Variants in SLIT3 observed in about 807,000 individuals in gnomAD.
SLIT3 encodes the protein slit guidance ligand 3.
Under a neutral mutation model 184.0 loss-of-function variants are expected in SLIT3, and 68 were observed. The ratio of observed to expected loss-of-function variants is 0.37; its 90% CI spans 0.30 to 0.45. The LOEUF (loss-of-function observed/expected upper bound fraction) is 0.45, where lower values mean the gene tolerates loss of function less well. Among genes scored for constraint, SLIT3 ranks in the 20% least tolerant of loss-of-function variants. The pLI is 1.00. For missense variants in SLIT3, 1,707 were observed against 2,026.0 expected (o/e 0.84, Z 3.02); for synonymous variants, 831 against 828.6 (o/e 1.00, Z -0.05).
chr5:168,723,027 G>T (rs1762993052), intron 21 of SLIT3, 23 bp from the exon 22 acceptor site: 1 of 1,597,570 alleles, frequency 6.3e-7, no homozygotes, highest in Non-Finnish European at 8.6e-7. Context: ...AAACAGAGGG[G>T]TCATGCTTTT....
chr5:168,862,516 A>C (rs1759147610), intron 5 of SLIT3, among the ~76,000 whole-genome samples: 2 of 152,222 alleles, frequency 1.3e-5, no homozygotes, highest in South Asian at 4.1e-4. Flanking sequence ...AATTACAGTT[A>C]ATTGAAGTGT....
At chr5:168,802,146 G>GAAA (rs57706263) in intron 9 of SLIT3, among the ~76,000 whole-genome samples, 1 of 109,754 alleles carries the variant, frequency 9.1e-6, no homozygotes. Context: ...TTCTCAATAA[G>GAAA]AAAAAAAAAA....
At chr5:169,113,643 C>T (rs1252894542) in intron 4 of SLIT3, among the ~76,000 whole-genome samples, 3 of 149,548 alleles carry the variant, frequency 2.0e-5, no homozygotes, top group Non-Finnish European at 4.4e-5. Context: ...ATCATCATGC[C>T]TTTTTTTTCT....
intron 5 of SLIT3, 163 bp from the exon 6 acceptor site, chr5:168,844,818 T>A (rs1181301900): frequency 1.6e-6 from 1 of 609,888 alleles, no homozygotes; most frequent in African/African-American, 1.9e-5. Context: ...GCTCCGTCTC[T>A]CCTCTCTGAC....
At chr5:169,029,239 C>T (rs1756939089) in intron 4 of SLIT3, among the ~76,000 whole-genome samples, 1 of 152,220 alleles carries the variant, frequency 6.6e-6, no homozygotes, top group African/African-American at 2.4e-5. Flanking sequence ...TGAGTGATTG[C>T]ACCACTTTCT....
intron 4 of SLIT3, among the ~76,000 whole-genome samples, chr5:169,032,165 G>A (rs891961): frequency 8.5e-5 from 13 of 152,118 alleles, no homozygotes; most frequent in African/African-American, 2.7e-4. Context: ...AGTGAAAGTC[G>A]ACTGTAAATG....
chr5:169,113,974 C>A (rs1433166296), intron 4 of SLIT3, among the ~76,000 whole-genome samples: 1 of 152,144 alleles, frequency 6.6e-6, no homozygotes, highest in African/African-American at 2.4e-5. Context: ...TTTTTAATAA[C>A]TGAATCAATC....
At chr5:169,244,967 G>T (rs1038477395) in intron 2 of SLIT3, among the ~76,000 whole-genome samples, 191 bp from the exon 3 acceptor site, 5 of 152,148 alleles carry the variant, frequency 3.3e-5, no homozygotes, top group African/African-American at 1.2e-4. Flanking sequence ...GGGTTTTGCC[G>T]CCTGCACACT....
intron 4 of SLIT3, among the ~76,000 whole-genome samples, chr5:169,149,930 G>C (rs111558300): frequency 1.8e-4 from 27 of 152,260 alleles, no homozygotes; most frequent in African/African-American, 6.5e-4. Context: ...CTATCACTGC[G>C]TATCTCCTTT....
chr5:169,069,261 T>C (rs946850690), intron 4 of SLIT3, among the ~76,000 whole-genome samples: 3 of 152,188 alleles, frequency 2.0e-5, no homozygotes, highest in Non-Finnish European at 2.9e-5. Context: ...AGACCGTCCA[T>C]TGCTGCTGGG....
intron 4 of SLIT3, among the ~76,000 whole-genome samples, chr5:169,015,537 A>AACTT (rs1391874692): frequency 6.6e-6 from 1 of 152,186 alleles, no homozygotes; most frequent in Non-Finnish European, 1.5e-5. Flanking sequence ...TTGCACAATT[A>AACTT]ACTTCTCTGG....
At chr5:168,741,453 T>G (rs1051297998) in intron 20 of SLIT3, among the ~76,000 whole-genome samples, 2 of 121,584 alleles carry the variant, frequency 1.6e-5, no homozygotes, top group East Asian at 5.0e-4. Flanking sequence ...CACTCCAGCC[T>G]GGGCGACAGA....
intron 1 of SLIT3, among the ~76,000 whole-genome samples, chr5:169,265,482 C>G (rs540747714): frequency 1.3e-5 from 2 of 152,320 alleles, no homozygotes; most frequent in South Asian, 4.1e-4. Flanking sequence ...TGATCCAATT[C>G]CCTCACTCAA....
At chr5:168,851,718 T>C (rs949914568) in intron 5 of SLIT3, among the ~76,000 whole-genome samples, 4 of 152,316 alleles carry the variant, frequency 2.6e-5, no homozygotes, top group Admixed American at 1.3e-4. Context: ...TGTTCGATCC[T>C]GGGAAACAAA....
At chr5:168,938,742 C>A (rs749401694) in intron 4 of SLIT3, among the ~76,000 whole-genome samples, 10 of 152,182 alleles carry the variant, frequency 6.6e-5, no homozygotes, top group Non-Finnish European at 1.3e-4. Flanking sequence ...GCGATTCTCC[C>A]GCCTCAGCCT....
At chr5:169,084,857 G>A (rs1032820914) in intron 4 of SLIT3, among the ~76,000 whole-genome samples, 7 of 152,088 alleles carry the variant, frequency 4.6e-5, no homozygotes, top group Non-Finnish European at 7.4e-5. Flanking sequence ...CTGGGAGGAA[G>A]GGGCCCCTTT....
At chr5:169,099,020 G>T (rs539357364) in intron 4 of SLIT3, among the ~76,000 whole-genome samples, 5 of 152,026 alleles carry the variant, frequency 3.3e-5, no homozygotes, top group African/African-American at 1.2e-4. Flanking sequence ...ACTCCCAGTT[G>T]CCTGGTGGCT....
intron 5 of SLIT3, among the ~76,000 whole-genome samples, chr5:168,853,282 C>A (rs1218911058): frequency 6.6e-6 from 1 of 152,078 alleles, no homozygotes; most frequent in African/African-American, 2.4e-5. Flanking sequence ...AAGAAGGATA[C>A]CAATGTGTGC....
rs555179267 is a variant in SLIT3, at chr5:169,271,937, G to A, written c.198-20478C>T. On this transcript the variant is annotated intron_variant, in intron 1 of 35. Coordinates refer to ENST00000519560, the MANE Select transcript of SLIT3 (RefSeq NM_003062.4). ...AAGGGACATCTGGGTCCATAGACTC[G>A]TAATGGGCAAATGAGCACAGTGCTG... 8.5e-5 allele frequency among the ~76,000 whole-genome samples: 13 copies of A among 152,334 alleles called. 1 individual carries two copies. Among genetic ancestry groups the A allele is most frequent in the South Asian group, 2.1e-4 (1 of 4,824 alleles).
Sources: allele counts gnomAD v4.1 joint callset (sites outside exome capture counted in the v4.1 genomes callset), GRCh38; gene constraint gnomAD v4.1.1; transcripts MANE v1.5; gene names NCBI Gene and HGNC (gene_info 2026-07-23, HGNC 2026-07-21).